The following EPB41L1 variants were observed in gnomAD, a reference collection of about 807,000 sequenced individuals.
EPB41L1 encodes the protein band 4.1-like protein 1.
EPB41L1 carries 29 observed loss-of-function variants against 97.8 expected under a neutral mutation model. That is an observed-to-expected ratio of 0.30 (90% CI 0.22 to 0.40). The LOEUF is 0.40. EPB41L1 is among the 10% of genes least tolerant of loss of function. The pLI is 1.00. For synonymous variants in EPB41L1, 383 were observed against 459.2 expected (o/e 0.83, Z 2.12); for missense variants, 812 against 1,162.3 (o/e 0.70, Z 4.38).
intron 18 of EPB41L1, among the ~76,000 whole-genome samples, chr20:36,219,198 G>T (rs1412231681): frequency 6.6e-6 from 1 of 152,176 alleles, no homozygotes; most frequent in Non-Finnish European, 1.5e-5. Context: ...GACATGTGAG[G>T]GTAAAGCGGC....
At chr20:36,111,553 A>T (rs1436662245) in intron 1 of EPB41L1, among the ~76,000 whole-genome samples, 2 of 152,168 alleles carry the variant, frequency 1.3e-5, no homozygotes, top group African/African-American at 4.8e-5. Context: ...TGGGAGGCCG[A>T]GGTGGGTGGA....
rs972532562 is a variant in EPB41L1, at chr20:36,092,001, T to C, written c.-65+389T>C. On this transcript the variant is annotated intron_variant, in intron 1 of 19. Coordinates refer to the EPB41L1 transcript ENST00000202028. This position sits in a 1 kb window ranked among gnomAD's most constrained non-coding sequence, Gnocchi z 7.0. ...CCATTACTTTGGGGGTGTTTGGGCT[T>C]GTGGAGGGTGGGCGTCGGGATCCCA... The C allele has an allele frequency of 4.6e-5, 7 of 152,170 alleles. No individual in the cohort carries two copies. In the East Asian group the frequency reaches 1.4e-3, roughly 29 times the overall value. 9.4% of individuals were successfully genotyped at this position (152,170 alleles called of 1,614,324 possible).
rs57803389 is a variant in EPB41L1, at chr20:36,133,855, CAA to C, written c.-10+21392_-10+21393del. Among the ~76,000 whole-genome samples, 1,409 of 75,812 alleles carry C rather than the reference CAA, an allele frequency of 0.019. 41 individuals are homozygous for C. In the East Asian group the frequency reaches 0.2, roughly 11 times the overall value. 49.7% of individuals were successfully genotyped at this position (75,812 alleles called of 152,430 possible). ...CCTGGGCAACAGAGTGAGACCCTGTCAAAAAAAAAAAAAAAAAAGTAACAATA... is the reference window on the plus strand; with the variant it reads ...CCTGGGCAACAGAGTGAGACCCTGTCAAAAAAAAAAAAAAAAGTAACAATA... On this transcript the variant is annotated intron_variant, in intron 2 of 19. Transcript: ENST00000202028.
chr20:36,179,082 G>GAAA (rs796316378), intron 5 of EPB41L1, among the ~76,000 whole-genome samples: 1 of 79,606 alleles, frequency 1.3e-5, no homozygotes, highest in South Asian at 4.3e-4. Flanking sequence ...CTCGAAAAAA[G>GAAA]AAAAAAAAAA....
chr20:36,188,251 A>T, intron 8 of EPB41L1, 96 bp from the exon 9 acceptor site: 1 of 1,549,708 alleles, frequency 6.5e-7, no homozygotes, highest in Non-Finnish European at 8.9e-7. Context: ...AGAGCTCGTT[A>T]CAAGCAGCGC....
intron 1 of EPB41L1, among the ~76,000 whole-genome samples, chr20:36,161,989 C>G (rs2060548502): frequency 1.3e-5 from 2 of 152,206 alleles, no homozygotes; most frequent in South Asian, 4.1e-4. Flanking sequence ...CTCTCAAACT[C>G]CTGGGCTCAA....
chr20:36,182,354 G>T lies in EPB41L1; in HGVS notation c.566+7G>T. ...TGACAGAAGACATCACAAGGTGAGGGCTGTGGAGGGAGAGACAGGTGTGCT... is the reference window on the plus strand; with the variant it reads ...TGACAGAAGACATCACAAGGTGAGGTCTGTGGAGGGAGAGACAGGTGTGCT... On this transcript the variant is annotated splice_region_variant and intron_variant, in intron 6 of 21. Coordinates refer to ENST00000338074, the MANE Select transcript of EPB41L1 (RefSeq NM_012156.2). 1 of 1,613,996 alleles carries T rather than the reference G, an allele frequency of 6.2e-7. No individual in the cohort carries two copies. Among genetic ancestry groups the T allele is most frequent in the Non-Finnish European group, 8.5e-7 (1 of 1,179,858 alleles).
At chr20:36,155,750 G>T (rs1234856538) in intron 1 of EPB41L1, 1 of 423,894 alleles carries the variant, frequency 2.4e-6, no homozygotes, top group African/African-American at 2.0e-5. Flanking sequence ...GAGCTCTGAG[G>T]ATGCATTGGT....
intron 2 of EPB41L1, among the ~76,000 whole-genome samples, chr20:36,136,946 C>G (rs1488658966): frequency 6.6e-6 from 1 of 152,120 alleles, no homozygotes; most frequent in East Asian, 1.9e-4. Flanking sequence ...AGTGCAGTGG[C>G]ACGATCACTG....
At chr20:36,096,420 A>G (rs1406275170) in intron 1 of EPB41L1, among the ~76,000 whole-genome samples, 1 of 152,146 alleles carries the variant, frequency 6.6e-6, no homozygotes, top group African/African-American at 2.4e-5. Flanking sequence ...TCTTACTTTG[A>G]TCTCTAAGGC....
At chr20:36,132,566 G>GT (rs2059252629) in intron 2 of EPB41L1, among the ~76,000 whole-genome samples, 1 of 113,658 alleles carries the variant, frequency 8.8e-6, no homozygotes, top group African/African-American at 3.5e-5. Context: ...ATCTTTGTGG[G>GT]CGGGGGGGGG....
intron 1 of EPB41L1, among the ~76,000 whole-genome samples, chr20:36,168,156 G>A (rs961192117): frequency 5.9e-5 from 9 of 152,324 alleles, no homozygotes; most frequent in African/African-American, 2.2e-4. Flanking sequence ...GTGAGCTAGA[G>A]GAGCCAGAAG....
chr20:36,154,629 GC>G, upstream of EPB41L1: 1 of 948,586 alleles, frequency 1.1e-6, no homozygotes, highest in Non-Finnish European at 1.2e-6. The surrounding 1 kb of genome is among the most constrained non-coding windows in gnomAD (Gnocchi z 5.5). Context: ...GGGCTCCGAG[GC>G]CGGGGCGGGG....
intron 14 of EPB41L1, among the ~76,000 whole-genome samples, chr20:36,205,166 C>T (rs761974106): frequency 6.6e-6 from 1 of 152,218 alleles, no homozygotes; most frequent in Non-Finnish European, 1.5e-5. Flanking sequence ...ACTATGCTTT[C>T]TTCCCAGAAG....
chr20:36,102,472 C>T lies in EPB41L1; in HGVS notation c.-64-9954C>T, dbSNP rs79327690. On this transcript the variant is annotated intron_variant, in intron 1 of 19. Transcript: ENST00000202028. ...CTCATGCCTCTCAGCACATTACTGG[C>T]TTTGCTGTGAAGGTGGTCAGGGACT... Among the ~76,000 whole-genome samples the T allele has an allele frequency of 4.8e-3, 735 of 152,294 alleles. 38 individuals are homozygous for T. The East Asian group carries it at 0.11, about 23-fold the overall frequency.
At chr20:36,165,602 G>A (rs6060836) in intron 1 of EPB41L1, among the ~76,000 whole-genome samples, 1 of 152,200 alleles carries the variant, frequency 6.6e-6, no homozygotes, top group Non-Finnish European at 1.5e-5. Context: ...GGGAGGCTGA[G>A]GCAGGAGAAT....
chr20:36,130,093 C>A (rs531617017), intron 2 of EPB41L1, among the ~76,000 whole-genome samples: 25 of 152,188 alleles, frequency 1.6e-4, no homozygotes, highest in Non-Finnish European at 3.2e-4. Context: ...AGGCACCCGC[C>A]ACCATGCCCA....
At chr20:36,161,927 A>G (rs1361326862) in intron 1 of EPB41L1, among the ~76,000 whole-genome samples, 1 of 151,850 alleles carries the variant, frequency 6.6e-6, no homozygotes, top group Non-Finnish European at 1.5e-5. Context: ...TGCCCGGCTA[A>G]TTTGGGGGGG....
chr20:36,199,064 A>AT (rs1161768563), intron 14 of EPB41L1, among the ~76,000 whole-genome samples: 1 of 152,252 alleles, frequency 6.6e-6, no homozygotes, highest in South Asian at 2.1e-4. Context: ...TCAAATCAGG[A>AT]TAAAGAAAGC....
Sources: allele counts gnomAD v4.1 joint callset (sites outside exome capture counted in the v4.1 genomes callset), GRCh38; gene constraint gnomAD v4.1.1; non-coding constraint Gnocchi (gnomAD v3.1); transcripts MANE v1.5; gene names NCBI Gene and HGNC (gene_info 2026-07-23, HGNC 2026-07-21).